SHF: variants seen among roughly 807,000 people sequenced by gnomAD.
SHF encodes the protein Src homology 2 domain containing F, also known as SH2 domain-containing adapter protein F.
In SHF, 30 loss-of-function variants were observed where a neutral mutation model predicts 42.4. That is an observed-to-expected ratio of 0.71 (90% CI 0.53 to 0.96). The LOEUF is 0.96. SHF is among the 40% of genes least tolerant of loss of function. The pLI is 0.00. For missense variants in SHF, 598 were observed against 634.0 expected (o/e 0.94, Z 0.61); for synonymous variants, 264 against 269.9 (o/e 0.98, Z 0.21).
At chr15:45,175,502 G>A in intron 2 of SHF, 77 bp from the exon 3 acceptor site, 1 of 1,452,678 alleles carries the variant, frequency 6.9e-7, no homozygotes, top group Non-Finnish European at 9.4e-7. Flanking sequence ...ATGCTTCTCA[G>A]CAACAAGCCA....
At chr15:45,197,842 AAAAGAG>A (rs1300128782) in intron 2 of SHF, among the ~76,000 whole-genome samples, 1 of 152,040 alleles carries the variant, frequency 6.6e-6, no homozygotes, top group Non-Finnish European at 1.5e-5. Context: ...AAAAAAAAAA[AAAAGAG>A]AGCGGGCAAG....
At chr15:45,172,634 C>G (rs926271639) in intron 4 of SHF, among the ~76,000 whole-genome samples, 4 of 152,216 alleles carry the variant, frequency 2.6e-5, no homozygotes, top group Admixed American at 2.6e-4. Flanking sequence ...TGCCTTCCCC[C>G]AGTCCATCCT....
chr15:45,171,783 G>A (rs986312570), intron 6 of SHF, 100 bp downstream of exon 6: 151 of 1,316,734 alleles, frequency 1.1e-4, no homozygotes, highest in Non-Finnish European at 1.5e-4. Context: ...ATTGTTCATG[G>A]GGGATGGGGA....
upstream of SHF, among the ~76,000 whole-genome samples, chr15:45,188,208 G>T (rs1265747858): frequency 1.3e-5 from 2 of 152,184 alleles, no homozygotes; most frequent in Non-Finnish European, 2.9e-5. Context: ...CTGGACTGAG[G>T]TTGAATCCTT....
At chr15:45,170,570 T>C in intron 6 of SHF, 1 of 521,640 alleles carries the variant, frequency 1.9e-6, no homozygotes, top group Non-Finnish European at 3.0e-6. Flanking sequence ...TAGGATCACA[T>C]AGCTAGTGTA....
chr15:45,192,660 C>T (rs140325851), upstream of SHF, among the ~76,000 whole-genome samples: 21 of 152,228 alleles, frequency 1.4e-4, no homozygotes, highest in African/African-American at 4.3e-4. Flanking sequence ...TGTGAGCCAC[C>T]GCGCCTGGCC....
chr15:45,188,124 G>C (rs538462025), upstream of SHF, among the ~76,000 whole-genome samples: 1 of 152,072 alleles, frequency 6.6e-6, no homozygotes, highest in Non-Finnish European at 1.5e-5. Flanking sequence ...GCTCGGAAGA[G>C]TGTACGCGGG....
chr15:45,190,876 C>T (rs1339631102), upstream of SHF, among the ~76,000 whole-genome samples: 7 of 152,150 alleles, frequency 4.6e-5, no homozygotes, highest in Non-Finnish European at 1.0e-4. Context: ...GCACCATACA[C>T]TTACTCTTGT....
chr15:45,198,894 C>T, exon 2 of SHF: 1 of 1,613,994 alleles, frequency 6.2e-7, no homozygotes, highest in East Asian at 2.2e-5. Context: ...GAGATGGGCT[C>T]CCGGTGAGCG....
intron 2 of SHF, among the ~76,000 whole-genome samples, chr15:45,197,851 C>T (rs577855329): frequency 3.4e-5 from 5 of 146,770 alleles, no homozygotes; most frequent in South Asian, 2.1e-4. Context: ...AAAAAGAGAG[C>T]GGGCAAGCGA....
intron 2 of SHF, among the ~76,000 whole-genome samples, chr15:45,195,516 C>T (rs1249851476): frequency 1.3e-5 from 2 of 152,206 alleles, no homozygotes; most frequent in Non-Finnish European, 2.9e-5. Flanking sequence ...CTTAAAATGA[C>T]ACTTTCCTGG....
intron 6 of SHF, 73 bp downstream of exon 6, chr15:45,171,810 G>A: frequency 6.6e-7 from 1 of 1,507,524 alleles, no homozygotes; most frequent in Admixed American, 1.9e-5. Flanking sequence ...CAGCTTGGTT[G>A]GGCATAAGGG....
rs1487695181 is a variant in SHF, at chr15:45,177,288, CA to C, written c.640+876del. ...TGGCTCTTCTTTTGCAGGGTTCCCC[CA>C]CTAGGCCTACTGAGTTGCCCAAGCC... On this transcript the variant is annotated intron_variant, in intron 2 of 6. Coordinates refer to ENST00000690270, the MANE Select transcript of SHF (RefSeq NM_001394037.1). Among the ~76,000 whole-genome samples the C allele has an allele frequency of 2.0e-5, 3 of 152,264 alleles. No individual in the cohort carries two copies. The East Asian group carries it at 5.8e-4, about 29-fold the overall frequency.
At chr15:45,186,570 C>T (rs1898414109) in intron 1 of SHF, among the ~76,000 whole-genome samples, 1 of 152,240 alleles carries the variant, frequency 6.6e-6, no homozygotes, top group Non-Finnish European at 1.5e-5. Flanking sequence ...ATAAGGCCAA[C>T]CCGAATCAGG....
intron 2 of SHF, among the ~76,000 whole-genome samples, chr15:45,196,392 C>G (rs58701250): frequency 0.082 from 12,420 of 152,210 alleles, 1,352 homozygotes; most frequent in African/African-American, 0.24. Context: ...CTGTGCCTGG[C>G]TGACTTCCTC....
intron 1 of SHF, among the ~76,000 whole-genome samples, chr15:45,182,689 A>T (rs1186597740): frequency 6.6e-6 from 1 of 152,200 alleles, no homozygotes; most frequent in Non-Finnish European, 1.5e-5. Flanking sequence ...GCAGCAAAGA[A>T]ATCAGTCTAC....
chr15:45,187,368 G>A (rs1567039435), intron 1 of SHF, 86 bp downstream of exon 1: 2 of 1,203,078 alleles, frequency 1.7e-6, no homozygotes, highest in Non-Finnish European at 2.1e-6. Context: ...CGAGGGGCCC[G>A]GGCCAGGCCA....
chr15:45,199,089 C>T, exon 2 of SHF: 2 of 1,553,338 alleles, frequency 1.3e-6, no homozygotes, highest in Non-Finnish European at 1.7e-6. Flanking sequence ...CAGCGGTGAC[C>T]CAATGCCGCC....
intron 1 of SHF, among the ~76,000 whole-genome samples, chr15:45,179,633 C>T (rs760136720): frequency 8.5e-5 from 13 of 152,216 alleles, no homozygotes; most frequent in Admixed American, 5.2e-4. Context: ...TTGGGCTTCT[C>T]CTGATGGGGC....
Sources: gnomAD v4.1 joint callset for allele counts (sites outside exome capture counted in the v4.1 genomes callset) on GRCh38, gnomAD v4.1.1 for gene constraint, MANE v1.5 for transcripts, NCBI Gene and HGNC (gene_info 2026-07-23, HGNC 2026-07-21) for gene names.